The following SCUBE2 variants were observed in gnomAD, a reference collection of about 807,000 sequenced individuals.
SCUBE2 encodes the protein signal peptide, CUB and EGF-like domain-containing protein 2.
SCUBE2 carries 114 observed loss-of-function variants against 125.9 expected under a neutral mutation model. The observed-to-expected ratio is 0.91, with a 90% CI of 0.78 to 1.06. The LOEUF is 1.06. SCUBE2 is among the 50% of genes least tolerant of loss of function. SCUBE2 has a pLI of 0.00. For missense variants in SCUBE2, 1,255 were observed against 1,301.8 expected (o/e 0.96, Z 0.55); for synonymous variants, 459 against 492.9 (o/e 0.93, Z 0.91).
intron 14 of SCUBE2, among the ~76,000 whole-genome samples, chr11:9,048,799 C>T (rs941382439): frequency 1.3e-5 from 2 of 152,156 alleles, no homozygotes; most frequent in Non-Finnish European, 2.9e-5. Flanking sequence ...AGCAGGTCCA[C>T]ATATCATCCA....
At chr11:9,089,459 T>C (rs1862420755) in intron 2 of SCUBE2, among the ~76,000 whole-genome samples, 2 of 152,220 alleles carry the variant, frequency 1.3e-5, no homozygotes, top group African/African-American at 2.4e-5. Flanking sequence ...ACACATCTCT[T>C]TTCTTTTCCA....
chr11:9,069,384 T>C lies in SCUBE2; in HGVS notation c.629A>G (p.Gln210Arg). ...CCCATACTTACAGATGCAGTCTCTCTGGTTCTTGGCCAGCTCAAAACCAGG... is the reference window on the plus strand; with the variant it reads ...CCCATACTTACAGATGCAGTCTCTCCGGTTCTTGGCCAGCTCAAAACCAGG... ...CRPGFELAKN[Q>R]RDCILTCNHG... The change falls in exon 5 of 23, where the codon CAG (glutamine) becomes CGG (arginine). Residue 210 changes from glutamine to arginine, a missense_variant. Physicochemically the swap from Gln to Arg is conservative, Grantham distance 43. Transcript: ENST00000649792. 1 of 1,614,252 alleles carries C rather than the reference T, an allele frequency of 6.2e-7. No homozygotes were observed. Among genetic ancestry groups the C allele is most frequent in the Non-Finnish European group, 8.5e-7 (1 of 1,180,038 alleles).
chr11:9,045,161 A>G (rs1358288549), intron 16 of SCUBE2, among the ~76,000 whole-genome samples: 1 of 152,236 alleles, frequency 6.6e-6, no homozygotes, highest in Admixed American at 6.5e-5. Flanking sequence ...CTGGCACACA[A>G]TTGGTGCTCA....
At chr11:9,023,834 T>C (rs1855507608) in intron 21 of SCUBE2, among the ~76,000 whole-genome samples, 1 of 152,224 alleles carries the variant, frequency 6.6e-6, no homozygotes, top group Admixed American at 6.5e-5. Context: ...CACTTCAGCA[T>C]GTACCTGGCA....
At position 9,033,785 on chromosome 11, in the gene SCUBE2, C is replaced by T. The variant is rs1376597381; in HGVS notation, c.2014G>A (p.Ala672Thr). The T allele has an allele frequency of 6.2e-7, 1 of 1,614,070 alleles. No individual in the cohort carries two copies. The highest frequency in any genetic ancestry group is 8.5e-7 in the Non-Finnish European group (1 of 1,179,980). ...HAENQCVSCRAGTYYDGARER... is the reference protein window; with the variant it reads ...HAENQCVSCRTGTYYDGARER... ...CGTGCTCCATCATAATAGGTCCCAG[C>T]CCTGCAACTGACTAGCCAAAAGGGA... is the stretch of plus-strand genomic sequence containing the variant. Residue 672 changes from alanine (A) to threonine (T), a missense_variant, in exon 17 of 23, where the codon GCT becomes ACT. This residue lies in a region of SCUBE2 where 515 missense variants were observed against 515.7 expected (regional missense o/e 1.00). Transcript: ENST00000649792.
intron 2 of SCUBE2, among the ~76,000 whole-genome samples, chr11:9,088,422 G>A (rs1178435762): frequency 6.6e-6 from 1 of 152,218 alleles, no homozygotes; most frequent in East Asian, 1.9e-4. Flanking sequence ...CACACTCCTG[G>A]CCGGGGATGA....
At chr11:9,021,315 C>A (rs548973145) in intron 22 of SCUBE2, 118 bp from the exon 23 acceptor site, 1 of 755,912 alleles carries the variant, frequency 1.3e-6, no homozygotes, top group Non-Finnish European at 1.9e-6. Flanking sequence ...AAAACACTTG[C>A]AAAAATTGTT....
At chr11:9,071,750 T>C (rs1413151516) in intron 4 of SCUBE2, among the ~76,000 whole-genome samples, 1 of 152,150 alleles carries the variant, frequency 6.6e-6, no homozygotes, top group Non-Finnish European at 1.5e-5. Context: ...AAACATGACA[T>C]AAAACGGGTA....
intron 21 of SCUBE2, chr11:9,024,101 C>G: frequency 1.9e-6 from 1 of 515,358 alleles, no homozygotes; most frequent in South Asian, 7.7e-5. Flanking sequence ...GCAAGACTCA[C>G]TCTCGTGGGC....
At chr11:9,044,405 A>T (rs931080643) in intron 16 of SCUBE2, among the ~76,000 whole-genome samples, 14 of 152,008 alleles carry the variant, frequency 9.2e-5, no homozygotes, top group Non-Finnish European at 2.9e-5. Flanking sequence ...GGTGCTACCA[A>T]CCAACATAGT....
Position 9,053,179 on chromosome 11 carries a change from C to G in SCUBE2, c.1367G>C (p.Arg456Pro), listed in dbSNP as rs371339421. 8 of 1,614,076 alleles carry G rather than the reference C, an allele frequency of 5.0e-6. No homozygotes were observed. Among genetic ancestry groups the G allele is most frequent in the South Asian group, 3.3e-5 (3 of 91,084 alleles). ...ACTCTTACCGCAGTGCAGGGACACA[C>G]GGGGTGACACACTTGTGGGCAGGAG... ...KGLLPTSVSP[R>P]VSLHCGKSGG... The change falls in exon 12 of 23, where the codon CGT (arginine) becomes CCT (proline). Residue 456 changes from arginine (R) to proline (P), a missense_variant. Arg to Pro is a moderately radical substitution (Grantham distance 103). Coordinates refer to ENST00000649792, the MANE Select transcript of SCUBE2 (RefSeq NM_001367977.2).
chr11:9,030,842 C>T lies in SCUBE2; in HGVS notation c.2257G>A (p.Gly753Ser). Residue 753 changes from glycine (G) to serine (S), a missense_variant, in exon 18 of 23, where the codon GGT becomes AGT. By Grantham distance (56) the Gly-to-Ser change is moderately conservative. Transcript: ENST00000649792. ...CALGTFQPEA[G>S]RTSCFPCGGG... ...CCACAGGGGAAGCAGGAAGTTCGACCAGCTTCAGGCTGGAACGTGCCCAGG... is the reference window on the plus strand; with the variant it reads ...CCACAGGGGAAGCAGGAAGTTCGACTAGCTTCAGGCTGGAACGTGCCCAGG... The T allele has an allele frequency of 6.2e-7, 1 of 1,614,226 alleles. No homozygotes were observed. The highest frequency in any genetic ancestry group is 2.2e-5 in the East Asian group (1 of 44,890).
At chr11:9,037,084 G>C (rs770119054) in intron 16 of SCUBE2, among the ~76,000 whole-genome samples, 1 of 152,152 alleles carries the variant, frequency 6.6e-6, no homozygotes, top group Middle Eastern at 3.2e-3. Flanking sequence ...ACACTAAAAG[G>C]CAACTCTGAA....
At chr11:9,087,550 C>T (rs997161098) in intron 2 of SCUBE2, among the ~76,000 whole-genome samples, 1 of 151,910 alleles carries the variant, frequency 6.6e-6, no homozygotes, top group Non-Finnish European at 1.5e-5. Context: ...AGAGAGAGAG[C>T]GTGAGCTACT....
At chr11:9,048,204 T>A in intron 14 of SCUBE2, 106 bp from the exon 15 acceptor site, 1 of 1,111,778 alleles carries the variant, frequency 9.0e-7, no homozygotes, top group Non-Finnish European at 1.3e-6. Context: ...CTCAAGGGAC[T>A]AAGTGATTAT....
In SCUBE2 at chr11:9,047,535, T is replaced by C. The variant is rs1857917717; in HGVS notation, c.1823A>G (p.Lys608Arg). 6.2e-7 allele frequency: 1 copy of C among 1,613,750 alleles called. No individual in the cohort carries two copies. The highest frequency in any genetic ancestry group is 8.5e-7 in the Non-Finnish European group (1 of 1,179,964). Residue 608 changes from lysine (K) to arginine (R), a missense_variant, in exon 16 of 23, where the codon AAG becomes AGG. Around this residue, in one of 3 missense-constraint regions of SCUBE2, gnomAD observed 378 missense variants for 463.1 expected, o/e 0.82. Coordinates refer to ENST00000649792, the MANE Select transcript of SCUBE2 (RefSeq NM_001367977.2). ...TTTACGGAGCCGCTTCTCGGTTCGCTTTACGATGCAGCTCAGGTCACAAGA... is the reference window on the plus strand; with the variant it reads ...TTTACGGAGCCGCTTCTCGGTTCGCCTTACGATGCAGCTCAGGTCACAAGA... ...TASCDLSCIV[K>R]RTEKRLRKAI...
intron 6 of SCUBE2, 34 bp from the exon 7 acceptor site, chr11:9,066,014 C>T (rs771664362): frequency 6.7e-7 from 1 of 1,482,214 alleles, no homozygotes; most frequent in South Asian, 1.1e-5. Context: ...GGTTCTCAGA[C>T]TGAATGAGTT....
At chr11:9,088,197 T>C (rs577082866) in intron 2 of SCUBE2, among the ~76,000 whole-genome samples, 6 of 152,234 alleles carry the variant, frequency 3.9e-5, no homozygotes, top group Non-Finnish European at 8.8e-5. Context: ...TTAAAAGTTT[T>C]CCTCCTCTGG....
intron 2 of SCUBE2, among the ~76,000 whole-genome samples, chr11:9,082,167 A>C (rs1275938725): frequency 6.6e-6 from 1 of 152,170 alleles, no homozygotes; most frequent in East Asian, 1.9e-4. Flanking sequence ...TATTTTGCCC[A>C]CTTTTTAATT....
Sources: allele counts gnomAD v4.1 joint callset (sites outside exome capture counted in the v4.1 genomes callset), GRCh38; gene constraint gnomAD v4.1.1; regional missense constraint gnomAD v4.1.1; transcripts MANE v1.5; gene names NCBI Gene and HGNC (gene_info 2026-07-23, HGNC 2026-07-21).